XRRA1: variants seen among roughly 807,000 people sequenced by gnomAD.
XRRA1 encodes X-ray radiation resistance-associated protein 1.
XRRA1 carries 69 observed loss-of-function variants against 80.2 expected under a neutral mutation model. The observed-to-expected ratio is 0.86, with a 90% confidence interval of 0.71 to 1.05. XRRA1 has a LOEUF of 1.05. Among genes scored for constraint, XRRA1 ranks in the 50% least tolerant of loss-of-function variants. The pLI is 0.00. For synonymous variants in XRRA1, 348 were observed against 389.9 expected, an observed-to-expected ratio of 0.89 and a Z score of 1.27; for missense variants, 967 against 976.4, an observed-to-expected ratio of 0.99 and a Z score of 0.13.
chr11:74,851,916 G>T, intron 13 of XRRA1, 73 bp downstream of exon 13: 1 of 1,270,824 alleles, frequency 7.9e-7, no homozygotes, highest in Non-Finnish European at 1.2e-6. Context: ...TGGCATTGAT[G>T]AGGTGGGGAT....
intron 10 of XRRA1, among the ~76,000 whole-genome samples, chr11:74,866,631 T>A (rs2043467926): frequency 7.0e-6 from 1 of 143,608 alleles, no homozygotes; most frequent in African/African-American, 2.6e-5. Context: ...ACCAGAAAAA[T>A]TTAACAAGGA....
intron 14 of XRRA1, among the ~76,000 whole-genome samples, chr11:74,850,096 T>C (rs899326061): frequency 1.3e-5 from 2 of 152,242 alleles, no homozygotes; most frequent in Non-Finnish European, 2.9e-5. Context: ...TTAACTCATT[T>C]AGCTCAAAGG....
chr11:74,844,091 C>T lies in XRRA1; in HGVS notation c.2043+77G>A, dbSNP rs528653611. ...TGGGAAAGCATGGCCCTCAGAGGGTCCCAAGGTGACAGCCACATCTGTAAT... is the reference window on the plus strand; with the variant it reads ...TGGGAAAGCATGGCCCTCAGAGGGTTCCAAGGTGACAGCCACATCTGTAAT... On this transcript the variant is annotated intron_variant, in intron 17 of 18. Coordinates refer to ENST00000684022, the MANE Select transcript of XRRA1 (RefSeq NM_001378157.1). The T allele has an allele frequency of 1.3e-5, 20 of 1,497,090 alleles. No homozygotes were observed. In the East Asian group the frequency reaches 1.6e-4, roughly 12 times the overall value. 92.7% of individuals were successfully genotyped at this position (1,497,090 alleles called of 1,614,324 possible). A position where few individuals can be genotyped will look rare whatever the true frequency, so the allele number is the denominator to read the frequency against.
intron 3 of XRRA1, among the ~76,000 whole-genome samples, chr11:74,937,723 G>C (rs1205282147): frequency 1.3e-5 from 2 of 152,172 alleles, no homozygotes; most frequent in African/African-American, 4.8e-5. Context: ...ACGTATTTTG[G>C]AATCTGTTCT....
chr11:74,911,640 TA>T (rs1157710937), intron 8 of XRRA1, among the ~76,000 whole-genome samples: 1 of 152,218 alleles, frequency 6.6e-6, no homozygotes, highest in Non-Finnish European at 1.5e-5. Flanking sequence ...ACTCCTGGCC[TA>T]AAACGATCTT....
chr11:74,873,128 G>T (rs550641553), intron 10 of XRRA1, among the ~76,000 whole-genome samples: 2 of 152,278 alleles, frequency 1.3e-5, no homozygotes, highest in South Asian at 4.1e-4. Flanking sequence ...AAATAGGCCA[G>T]TTCAGATCCA....
At chr11:74,856,183 C>CCTATCAT (rs1275887971) in intron 12 of XRRA1, among the ~76,000 whole-genome samples, 4 of 152,052 alleles carry the variant, frequency 2.6e-5, no homozygotes, top group Non-Finnish European at 5.9e-5. Flanking sequence ...TTATTGAGCA[C>CCTATCAT]CTATCATGTA....
chr11:74,877,774 C>T (rs565671394), intron 10 of XRRA1, among the ~76,000 whole-genome samples: 228 of 152,078 alleles, frequency 1.5e-3, no homozygotes, highest in Admixed American at 5.5e-3. Context: ...CATCCATGTC[C>T]CTACAAAGGA....
At chr11:74,845,891 T>G (rs1268681172) in intron 15 of XRRA1, 2 of 152,488 alleles carry the variant, frequency 1.3e-5, no homozygotes, top group Non-Finnish European at 2.9e-5. Context: ...AGGGATGTAT[T>G]TATTTATTAA....
chr11:74,907,039 G>A (rs2054756072), intron 9 of XRRA1, 106 bp downstream of exon 9: 2 of 1,455,134 alleles, frequency 1.4e-6, no homozygotes, highest in East Asian at 2.3e-5. Flanking sequence ...ATAAATTGTG[G>A]AGCTAGGCTT....
At chr11:74,867,708 T>C (rs546661850) in intron 10 of XRRA1, among the ~76,000 whole-genome samples, 46 of 152,220 alleles carry the variant, frequency 3.0e-4, no homozygotes, top group African/African-American at 1.1e-3. Flanking sequence ...AACATTCAAA[T>C]TCAGGAAATG....
intron 12 of XRRA1, among the ~76,000 whole-genome samples, chr11:74,858,207 TAA>T (rs2041555344): frequency 6.6e-6 from 1 of 152,170 alleles, no homozygotes; most frequent in African/African-American, 2.4e-5. Flanking sequence ...TTTGGATCAA[TAA>T]AAGACATAAA....
intron 10 of XRRA1, among the ~76,000 whole-genome samples, chr11:74,880,425 T>G (rs1295604444): frequency 2.6e-5 from 4 of 151,282 alleles, no homozygotes; most frequent in African/African-American, 7.3e-5. Flanking sequence ...CCTGGATTCA[T>G]TAATTTTTTG....
intron 13 of XRRA1, 116 bp from the exon 14 acceptor site, chr11:74,851,319 C>G (rs761935786): frequency 2.0e-5 from 14 of 702,892 alleles, no homozygotes; most frequent in Non-Finnish European, 3.2e-5. Context: ...TATTCTCAAC[C>G]CTAGGAGGTA....
rs1336711279 is a variant in XRRA1 at position 74,936,822 on chromosome 11, T to G, written c.279+62A>C. 7.8e-6 allele frequency: 12 copies of G among 1,530,844 alleles called. No individual in the cohort carries two copies. The East Asian group carries it at 2.6e-4, about 33-fold the overall frequency. The allele number at this position is 1,530,844 out of a possible 1,614,324, so 94.8% of individuals were successfully genotyped here. ...AGTTGTGCCAGAGCAGGGCAAATCC[T>G]TCCCCACTTCCTCCCCACCCTAGCT... On this transcript the variant is annotated intron_variant, in intron 4 of 18. Transcript: ENST00000684022.
intron 12 of XRRA1, among the ~76,000 whole-genome samples, chr11:74,855,362 G>A (rs1185190069): frequency 6.6e-6 from 1 of 152,176 alleles, no homozygotes; most frequent in Non-Finnish European, 1.5e-5. Flanking sequence ...CCCGAACCAG[G>A]TGATTAAAAA....
chr11:74,910,389 A>G (rs2055602610), intron 8 of XRRA1, among the ~76,000 whole-genome samples: 1 of 152,202 alleles, frequency 6.6e-6, no homozygotes, highest in South Asian at 2.1e-4. Flanking sequence ...TCTGAAGCAG[A>G]AAGAGAGTAG....
intron 13 of XRRA1, 29 bp from the exon 14 acceptor site, chr11:74,851,232 C>A: frequency 6.4e-7 from 1 of 1,552,146 alleles, no homozygotes; most frequent in Non-Finnish European, 8.8e-7. Flanking sequence ...AATAAGATTA[C>A]TATTAGCTAA....
chr11:74,906,263 T>C lies in XRRA1; in HGVS notation c.979A>G (p.Met327Val), dbSNP rs2054569239. Residue 327 changes from methionine to valine, a missense_variant, in exon 10 of 19, where the codon ATG becomes GTG. Coordinates refer to ENST00000684022, the MANE Select transcript of XRRA1 (RefSeq NM_001378157.1). ...CCTGTCCGGTCAACATCCTTTTTCA[T>C]GGGCAGTACAGTATAATCCAGTTGC... is the stretch of plus-strand genomic sequence containing the variant. ...DEQLDYTVLP[M>V]KKDVDRTEVV... 6.2e-7 allele frequency: 1 copy of C among 1,613,484 alleles called. No homozygotes were observed. Among genetic ancestry groups the C allele is most frequent in the African/African-American group, 1.3e-5 (1 of 74,928 alleles).
Sources: gnomAD v4.1 joint callset for allele counts (sites outside exome capture counted in the v4.1 genomes callset) on GRCh38, gnomAD v4.1.1 for gene constraint, MANE v1.5 for transcripts, NCBI Gene and HGNC (gene_info 2026-07-23, HGNC 2026-07-21) for gene names.